FRMPD4: variants seen among roughly 807,000 people sequenced by gnomAD.
The protein encoded by FRMPD4 is FERM and PDZ domain-containing protein 4.
FRMPD4 carries 22 observed loss-of-function variants against 94.1 expected under a neutral mutation model. The ratio of observed to expected loss-of-function variants is 0.23; its 90% CI spans 0.17 to 0.33. The LOEUF is 0.33. Ranked by LOEUF, FRMPD4 falls within the 10% of genes least tolerant of loss-of-function variation. The pLI is 1.00. For synonymous variants in FRMPD4, 631 were observed against 548.6 expected, an observed-to-expected ratio of 1.15 and a Z score of -2.10; for missense variants, 1,111 against 1,339.9, an observed-to-expected ratio of 0.83 and a Z score of 2.67.
intron 2 of FRMPD4, among the ~76,000 whole-genome samples, chrX:12,533,862 A>G (rs757309463): frequency 8.9e-6 from 1 of 112,672 alleles, no homozygotes; most frequent in South Asian, 3.7e-4. Context: ...TGACAATGCA[A>G]TAGAAAAGAA....
chrX:12,313,043 G>A (rs1379260074), intron 1 of FRMPD4, among the ~76,000 whole-genome samples: 1 of 111,462 alleles, frequency 9.0e-6, no homozygotes, highest in African/African-American at 3.3e-5. Context: ...GGAAAAACAA[G>A]GTCCTGAAAG....
chrX:12,716,001 T>TGGGCCCCC, intron 14 of FRMPD4, 68 bp from the exon 15 acceptor site: 12 of 231,631 alleles, frequency 5.2e-5, no homozygotes, highest in East Asian at 2.5e-4. Flanking sequence ...GAGACGAGCC[T>TGGGCCCCC]CCCACCCCCG....
intron 1 of FRMPD4, among the ~76,000 whole-genome samples, chrX:12,306,842 A>C (rs1273971139): frequency 8.9e-6 from 1 of 112,544 alleles, no homozygotes; most frequent in Non-Finnish European, 1.9e-5. Context: ...AACAGACTTC[A>C]AAGATGGGAG....
chrX:12,443,583 T>C (rs2057162085), intron 1 of FRMPD4, among the ~76,000 whole-genome samples: 1 of 111,600 alleles, frequency 9.0e-6, no homozygotes, highest in East Asian at 2.8e-4. Context: ...TAGTTGTTAA[T>C]AGCTGCTAGC....
chrX:12,184,487 T>TA (rs1353415756), intron 1 of FRMPD4, among the ~76,000 whole-genome samples: 1 of 111,926 alleles, frequency 8.9e-6, no homozygotes, highest in African/African-American at 3.2e-5. Flanking sequence ...CTAAGAACGA[T>TA]AAAAAATGAC....
At chrX:12,537,454 C>CTTT (rs1569321899) in intron 2 of FRMPD4, among the ~76,000 whole-genome samples, 2 of 88,048 alleles carry the variant, frequency 2.3e-5, no homozygotes, top group African/African-American at 4.5e-5. Context: ...TTTTTTTTTT[C>CTTT]CTTTTTTTTT....
chrX:12,518,221 A>G (rs2058124063), intron 2 of FRMPD4, among the ~76,000 whole-genome samples: 1 of 111,456 alleles, frequency 9.0e-6, no homozygotes, highest in African/African-American at 3.3e-5. Context: ...CCCCCTGTAA[A>G]TTGGTAGTCT....
At chrX:12,710,661 A>G (rs2041969020) in intron 14 of FRMPD4, 124 bp downstream of exon 14, 1 of 598,569 alleles carries the variant, frequency 1.7e-6, no homozygotes, top group South Asian at 3.3e-5. Flanking sequence ...TAATCCTGGC[A>G]CTTTGGGAGG....
chrX:12,365,702 G>A (rs765651936), intron 1 of FRMPD4, among the ~76,000 whole-genome samples: 2 of 111,569 alleles, frequency 1.8e-5, no homozygotes, highest in Non-Finnish European at 3.8e-5. Context: ...ATTCCATTAG[G>A]GCCATTCCAG....
At chrX:12,046,140 G>C (rs977543308) in intron 3 of FRMPD4, among the ~76,000 whole-genome samples, 6 of 111,200 alleles carry the variant, frequency 5.4e-5, no homozygotes, top group African/African-American at 2.0e-4. Context: ...TTCATGGTGA[G>C]AAGAATTAAT....
intron 16 of FRMPD4, among the ~76,000 whole-genome samples, chrX:12,719,994 A>AGGAAAGGAAAGGAAAGGAAAG (rs1187065261): frequency 1.2e-5 from 1 of 81,940 alleles, no homozygotes; most frequent in African/African-American, 5.3e-5. Context: ...AAGAAAGGAA[A>AGGAAAGGAAAGGAAAGGAAAG]GAAAGGAAAG....
chrX:12,717,586 T>C lies in FRMPD4; in HGVS notation c.2760T>C (p.Ser920=), dbSNP rs151277804. The change falls in exon 16 of 17, where the codon TCT becomes TCC. Residue 920 remains serine, a synonymous_variant. Coordinates refer to ENST00000675598, the MANE Select transcript of FRMPD4 (RefSeq NM_001368397.1). ...ACTCTTCTGAAATGACTGAGAGTTC[T>C]GAACTGGCCACAGCACAAAAACAGT... ...ETNSSEMTES[S]ELATAQKQSE... The C allele has an allele frequency of 1.4e-5, 17 of 1,199,239 alleles. No individual in the cohort carries two copies. In the African/African-American group the frequency reaches 1.9e-4, roughly 14 times the overall value.
chrX:12,107,935 A>C (rs971296281), intron 3 of FRMPD4, among the ~76,000 whole-genome samples: 1 of 112,048 alleles, frequency 8.9e-6, no homozygotes. Flanking sequence ...AAAAGACCAA[A>C]TCTATGTCTG....
chrX:11,984,885 A>G (rs1000408701), intron 3 of FRMPD4, among the ~76,000 whole-genome samples: 1 of 112,601 alleles, frequency 8.9e-6, no homozygotes, highest in Non-Finnish European at 1.9e-5. Flanking sequence ...AAGGTCTTGA[A>G]TAGACATTTC....
intron 2 of FRMPD4, among the ~76,000 whole-genome samples, chrX:12,584,136 A>G (rs1049120011): frequency 5.4e-5 from 6 of 111,877 alleles, no homozygotes; most frequent in Admixed American, 9.4e-5. Flanking sequence ...CCTTGAACCT[A>G]CCCGGATTTT....
chrX:12,606,966 G>T lies in FRMPD4; in HGVS notation c.159-2755G>T, dbSNP rs11796719. ...TCCCCAGGCATACCCAGCCATGCCT[G>T]TTTCAGCTTCAGGAGGGATCAATGT... On this transcript the variant is annotated intron_variant, in intron 2 of 16. Transcript: ENST00000675598. Among the ~76,000 whole-genome samples, 7 of 111,600 alleles carry T rather than the reference G, an allele frequency of 6.3e-5. No homozygotes were observed. In the Admixed American group the frequency reaches 6.6e-4, roughly 11 times the overall value.
intron 1 of FRMPD4, among the ~76,000 whole-genome samples, chrX:12,416,847 CCATA>C (rs757313707): frequency 8.9e-6 from 1 of 111,826 alleles, no homozygotes; most frequent in Non-Finnish European, 1.9e-5. Context: ...GGAAGTCACA[CCATA>C]CATTTTGTCT....
intron 3 of FRMPD4, among the ~76,000 whole-genome samples, chrX:12,110,307 A>ATC (rs2055346094): frequency 8.9e-6 from 1 of 112,595 alleles, no homozygotes; most frequent in African/African-American, 3.2e-5. Context: ...AAACAGAACC[A>ATC]AAGACAAAAA....
At chrX:12,560,655 T>C (rs1482928377) in intron 2 of FRMPD4, among the ~76,000 whole-genome samples, 1 of 109,089 alleles carries the variant, frequency 9.2e-6, no homozygotes, top group African/African-American at 3.3e-5. Context: ...ATGACATGTG[T>C]CTGGACAATT....
Sources: gnomAD v4.1 joint callset for allele counts (sites outside exome capture counted in the v4.1 genomes callset) on GRCh38, gnomAD v4.1.1 for gene constraint, MANE v1.5 for transcripts, NCBI Gene and HGNC (gene_info 2026-07-23, HGNC 2026-07-21) for gene names.